Variants in FUT9 observed in about 807,000 individuals in gnomAD.
FUT9 encodes fucosyltransferase 9.
A neutral mutation model predicts 29.7 loss-of-function variants in FUT9; 15 were observed. The ratio of observed to expected loss-of-function variants is 0.51; its 90% confidence interval spans 0.34 to 0.78. FUT9 has a LOEUF of 0.78. Among genes scored for constraint, FUT9 ranks in the 30% least tolerant of loss-of-function variants. The pLI is 0.01. For missense variants in FUT9, 319 were observed against 425.4 expected (o/e 0.75, Z 2.20); for synonymous variants, 169 against 153.7 (o/e 1.10, Z -0.74).
chr6:96,070,635 C>G (rs1019167360), intron 1 of FUT9, among the ~76,000 whole-genome samples: 1 of 151,702 alleles, frequency 6.6e-6, no homozygotes, highest in African/African-American at 2.4e-5. Flanking sequence ...TACAGTGAGC[C>G]GAGATTGTGC....
chr6:96,186,802 C>T (rs1341474841), intron 2 of FUT9, among the ~76,000 whole-genome samples: 1 of 152,108 alleles, frequency 6.6e-6, no homozygotes, highest in Non-Finnish European at 1.5e-5. Context: ...ACCAGTCAGG[C>T]AGACAGCAAG....
chr6:96,174,683 T>A (rs1463660093), intron 2 of FUT9, among the ~76,000 whole-genome samples: 1 of 152,132 alleles, frequency 6.6e-6, no homozygotes, highest in South Asian at 2.1e-4. Flanking sequence ...GTGCTTTTAT[T>A]TGGAACCAGG....
At chr6:96,108,673 A>C (rs1771739855) in intron 1 of FUT9, among the ~76,000 whole-genome samples, 1 of 152,178 alleles carries the variant, frequency 6.6e-6, no homozygotes, top group Non-Finnish European at 1.5e-5. Context: ...TATTAGTCCT[A>C]AAATGACATT....
At chr6:96,134,742 A>T (rs1435932961) in intron 2 of FUT9, among the ~76,000 whole-genome samples, 1 of 151,930 alleles carries the variant, frequency 6.6e-6, no homozygotes, top group African/African-American at 2.4e-5. Context: ...AAAAGTCCAC[A>T]GAAAGCAGGA....
chr6:96,134,311 T>C, intron 2 of FUT9, among the ~76,000 whole-genome samples: 1 of 151,860 alleles, frequency 6.6e-6, no homozygotes, highest in East Asian at 1.9e-4. Context: ...ATAACTTCCT[T>C]TTGTCCTGTG....
At chr6:96,038,595 G>GA (rs769291063) in intron 1 of FUT9, among the ~76,000 whole-genome samples, 19 of 152,046 alleles carry the variant, frequency 1.2e-4, no homozygotes, top group Non-Finnish European at 2.6e-4. Flanking sequence ...GGTAGCTGGG[G>GA]AAAAATATGT....
At chr6:96,028,258 G>GA (rs1008576667) in intron 1 of FUT9, among the ~76,000 whole-genome samples, 31 of 148,956 alleles carry the variant, frequency 2.1e-4, no homozygotes, top group Non-Finnish European at 3.1e-4. Flanking sequence ...GCGTTACATG[G>GA]AAAAAAAAAC....
rs560806025 is a variant in FUT9, at chr6:96,208,203, G to A, written c.*3968G>A. ...AAATATTAAAAGAATAGGAAACTAT[G>A]CCTCTGATATTTTTTTTGTCAGCCT... is the stretch of plus-strand genomic sequence containing the variant. On this transcript the variant is annotated 3_prime_UTR_variant, in exon 3 of 3. Transcript: ENST00000302103. The A allele has an allele frequency of 2.2e-3, 126 of 56,564 alleles. No individual in the cohort carries two copies. The highest frequency in any genetic ancestry group is 4.8e-3 in the African/African-American group (118 of 24,466). The allele number at this position is 56,564 out of a possible 1,614,324, so 3.5% of individuals were successfully genotyped here. A position where few individuals can be genotyped will look rare whatever the true frequency, so the allele number is the denominator to read the frequency against.
chr6:96,169,367 A>T (rs1773071145), intron 2 of FUT9, among the ~76,000 whole-genome samples: 1 of 152,230 alleles, frequency 6.6e-6, no homozygotes, highest in Admixed American at 6.5e-5. Context: ...GTTCAGTGAA[A>T]TCTTGCAAAT....
intron 2 of FUT9, among the ~76,000 whole-genome samples, chr6:96,169,484 A>G (rs1046807753): frequency 6.6e-6 from 1 of 152,140 alleles, no homozygotes; most frequent in African/African-American, 2.4e-5. Context: ...ATTTTTCATT[A>G]TTGCTAGGTG....
At chr6:96,116,922 A>G (rs1436710025) in intron 2 of FUT9, among the ~76,000 whole-genome samples, 1 of 152,188 alleles carries the variant, frequency 6.6e-6, no homozygotes, top group Non-Finnish European at 1.5e-5. Flanking sequence ...GTACAACACA[A>G]TGAGTAAATT....
chr6:96,155,101 A>C (rs914275520), intron 2 of FUT9, among the ~76,000 whole-genome samples: 4 of 152,198 alleles, frequency 2.6e-5, no homozygotes, highest in Non-Finnish European at 5.9e-5. Flanking sequence ...GATTCTCTCA[A>C]TTCTACAGCA....
At chr6:96,174,074 T>C (rs9373687) in intron 2 of FUT9, among the ~76,000 whole-genome samples, 7 of 152,052 alleles carry the variant, frequency 4.6e-5, no homozygotes, top group South Asian at 4.1e-4. Context: ...ACAGGAAATA[T>C]GCAATCCTGT....
chr6:96,057,455 CAGAA>C (rs1246910906), intron 1 of FUT9, among the ~76,000 whole-genome samples: 2 of 152,126 alleles, frequency 1.3e-5, no homozygotes, highest in African/African-American at 2.4e-5. Flanking sequence ...AATAAAGAAA[CAGAA>C]AGAAATATAG....
intron 1 of FUT9, among the ~76,000 whole-genome samples, chr6:96,088,118 G>A (rs1771349736): frequency 1.3e-5 from 2 of 152,006 alleles, no homozygotes; most frequent in African/African-American, 2.4e-5. Flanking sequence ...TTCTTTGGCT[G>A]CTTTGAGAAA....
At chr6:96,031,540 C>A (rs1342567092) in intron 1 of FUT9, among the ~76,000 whole-genome samples, 1 of 151,540 alleles carries the variant, frequency 6.6e-6, no homozygotes, top group East Asian at 1.9e-4. Flanking sequence ...GTGTAGCAAA[C>A]TGGTCTAGTA....
intron 1 of FUT9, among the ~76,000 whole-genome samples, chr6:96,069,112 C>G (rs897889273): frequency 3.3e-5 from 5 of 152,066 alleles, no homozygotes; most frequent in Non-Finnish European, 7.4e-5. Context: ...GTCAGAAGTT[C>G]AAGACTAGCC....
At chr6:96,099,069 G>T (rs1771545615) in intron 1 of FUT9, among the ~76,000 whole-genome samples, 1 of 152,100 alleles carries the variant, frequency 6.6e-6, no homozygotes, top group Non-Finnish European at 1.5e-5. Flanking sequence ...AACCTTATGT[G>T]TAATAGTTAA....
intron 2 of FUT9, among the ~76,000 whole-genome samples, chr6:96,142,687 A>G (rs908207092): frequency 4.6e-4 from 70 of 151,476 alleles, no homozygotes; most frequent in African/African-American, 1.6e-3. Flanking sequence ...GCAGGTTGTT[A>G]ACAAAATTTT....
Sources: gnomAD v4.1 joint callset for allele counts (sites outside exome capture counted in the v4.1 genomes callset) on GRCh38, gnomAD v4.1.1 for gene constraint, MANE v1.5 for transcripts, NCBI Gene and HGNC (gene_info 2026-07-23, HGNC 2026-07-21) for gene names.